Variants in VSIG10 observed in about 807,000 individuals in gnomAD.
The protein encoded by VSIG10 is V-set and immunoglobulin domain-containing protein 10.
VSIG10 carries 48 observed loss-of-function variants against 58.7 expected under a neutral mutation model. The ratio of observed to expected loss-of-function variants is 0.82; its 90% confidence interval spans 0.65 to 1.04. VSIG10 has a LOEUF of 1.04. VSIG10 is among the 50% of genes least tolerant of loss of function. The probability of loss-of-function intolerance (pLI) is 0.00; values close to 1 mark genes in which losing one functional copy is unlikely to be tolerated. For synonymous variants in VSIG10, 260 were observed against 267.1 expected, an observed-to-expected ratio of 0.97 and a Z score of 0.26; for missense variants, 628 against 670.0, an observed-to-expected ratio of 0.94 and a Z score of 0.69.
intron 1 of VSIG10, chr12:118,102,489 T>C (rs2033646605): frequency 1.3e-5 from 2 of 152,190 alleles, no homozygotes; most frequent in Non-Finnish European, 2.9e-5. Flanking sequence ...GGATGACCAC[T>C]GCCCAATTCC....
chr12:118,079,692 G>A, intron 3 of VSIG10, 86 bp from the exon 4 acceptor site: 1 of 1,543,518 alleles, frequency 6.5e-7, no homozygotes, highest in Non-Finnish European at 8.8e-7. Flanking sequence ...CAGAACCAGG[G>A]TCTCAGAGGG....
intron 2 of VSIG10, among the ~76,000 whole-genome samples, chr12:118,086,429 G>A (rs987399746): frequency 2.2e-4 from 33 of 152,020 alleles, no homozygotes; most frequent in African/African-American, 7.3e-4. Flanking sequence ...GATCATGCCA[G>A]TGTGGGTGAC....
intron 8 of VSIG10, among the ~76,000 whole-genome samples, chr12:118,068,072 A>G (rs2032320784): frequency 1.7e-5 from 2 of 119,598 alleles, no homozygotes; most frequent in Non-Finnish European, 3.2e-5. Flanking sequence ...ACTGCTGCCC[A>G]GACTGGAGTG....
chr12:118,082,083 G>T, intron 3 of VSIG10, 44 bp downstream of exon 3: 1 of 1,583,356 alleles, frequency 6.3e-7, no homozygotes. Flanking sequence ...AGTTCACAAA[G>T]GGTTAAGGGG....
chr12:118,066,781 T>C, intron 8 of VSIG10, 87 bp from the exon 9 acceptor site: 1 of 1,410,644 alleles, frequency 7.1e-7, no homozygotes, highest in Non-Finnish European at 9.7e-7. Flanking sequence ...CAGTGATTTC[T>C]AGTCCTTTCC....
intron 2 of VSIG10, among the ~76,000 whole-genome samples, chr12:118,085,944 G>A (rs1198785345): frequency 6.6e-6 from 1 of 151,908 alleles, no homozygotes; most frequent in Non-Finnish European, 1.5e-5. Flanking sequence ...ATCACCTGAG[G>A]TCAGGAGTTC....
At chr12:118,093,545 C>G (rs537337134) in intron 2 of VSIG10, among the ~76,000 whole-genome samples, 13 of 152,094 alleles carry the variant, frequency 8.5e-5, no homozygotes, top group African/African-American at 3.1e-4. Flanking sequence ...GCAGATATGA[C>G]AGACTGTTTT....
intron 1 of VSIG10, chr12:118,103,298 A>T (rs566862233): frequency 1.4e-4 from 47 of 340,546 alleles, no homozygotes; most frequent in Middle Eastern, 7.8e-4. Context: ...TTCCCGGCAC[A>T]CGTGCCTCTT....
chr12:118,090,213 A>T (rs1158139188), intron 2 of VSIG10, among the ~76,000 whole-genome samples: 1 of 152,128 alleles, frequency 6.6e-6, no homozygotes, highest in Non-Finnish European at 1.5e-5. Context: ...GCTGAGGCAG[A>T]AGAATCGCTT....
At chr12:118,086,054 G>A (rs1200854027) in intron 2 of VSIG10, among the ~76,000 whole-genome samples, 1 of 151,666 alleles carries the variant, frequency 6.6e-6, no homozygotes, top group Non-Finnish European at 1.5e-5. Context: ...ACCTACTTGG[G>A]AGGCGAGGCA....
intron 1 of VSIG10, among the ~76,000 whole-genome samples, chr12:118,099,690 G>C (rs1407126441): frequency 6.6e-6 from 1 of 152,166 alleles, no homozygotes; most frequent in Non-Finnish European, 1.5e-5. Context: ...CCCCTGGGTG[G>C]TACACTTAAA....
rs765586083 is a variant in VSIG10, at chr12:118,079,438, C to G, written c.833G>C (p.Ser278Thr). 6.2e-7 allele frequency: 1 copy of G among 1,613,910 alleles called. No homozygotes were observed. Among genetic ancestry groups the G allele is most frequent in the African/African-American group, 1.3e-5 (1 of 74,946 alleles). ...GKSKLGVEML[S>T]ESQLSDGKKF... ...CTTGCCATCCGACAGCTGGGACTCG[C>G]TCAGCATTTCCACCCCCAGCTTTGA... Residue 278 changes from serine to threonine, a missense_variant, in exon 4 of 9, where the codon AGC becomes ACC. Coordinates refer to ENST00000359236, the MANE Select transcript of VSIG10 (RefSeq NM_019086.6).
chr12:118,070,707 T>C (rs2032457058), intron 7 of VSIG10, among the ~76,000 whole-genome samples: 3 of 152,142 alleles, frequency 2.0e-5, no homozygotes, highest in African/African-American at 7.2e-5. Flanking sequence ...AGACCTGCAA[T>C]GTGTCCAGCC....
chr12:118,069,587 G>A (rs61943491), intron 7 of VSIG10, among the ~76,000 whole-genome samples: 4,302 of 151,812 alleles, frequency 0.028, 83 homozygotes, highest in South Asian at 0.046. Context: ...CACTACATGC[G>A]GCTAATTTTT....
chr12:118,071,253 C>T, intron 6 of VSIG10, 106 bp downstream of exon 6: 1 of 1,288,884 alleles, frequency 7.8e-7, no homozygotes, highest in Non-Finnish European at 1.1e-6. Flanking sequence ...GCAAAGAAGC[C>T]CAGAGAACAG....
chr12:118,076,620 T>C (rs532588345), intron 4 of VSIG10, among the ~76,000 whole-genome samples: 12 of 151,670 alleles, frequency 7.9e-5, no homozygotes, highest in African/African-American at 2.9e-4. Context: ...ATTACAGTCA[T>C]GAGCTACCAC....
At chr12:118,079,706 T>A (rs1156643006) in intron 3 of VSIG10, 100 bp from the exon 4 acceptor site, 1 of 1,487,700 alleles carries the variant, frequency 6.7e-7, no homozygotes, top group Non-Finnish European at 9.1e-7. Flanking sequence ...CAGAGGGACA[T>A]CAACCCCAGT....
intron 8 of VSIG10, 128 bp downstream of exon 8, chr12:118,068,249 A>G (rs2032334067): frequency 3.6e-6 from 2 of 553,498 alleles, no homozygotes; most frequent in South Asian, 5.7e-5. Context: ...TGCCCAGGCT[A>G]GTCTTGAACT....
chr12:118,071,886 G>A (rs1273836312), intron 5 of VSIG10, among the ~76,000 whole-genome samples: 1 of 152,216 alleles, frequency 6.6e-6, no homozygotes, highest in Non-Finnish European at 1.5e-5. Context: ...ATTGGTACTA[G>A]AGCCCGGGCG....
Sources: gnomAD v4.1 joint callset for allele counts (sites outside exome capture counted in the v4.1 genomes callset) on GRCh38, gnomAD v4.1.1 for gene constraint, MANE v1.5 for transcripts, NCBI Gene and HGNC (gene_info 2026-07-23, HGNC 2026-07-21) for gene names.